The following SPAG16 variants were observed in gnomAD, a reference collection of about 807,000 sequenced individuals.
The protein encoded by SPAG16 is sperm-associated antigen 16 protein.
A neutral mutation model predicts 80.4 loss-of-function variants in SPAG16; 86 were observed. That is an observed-to-expected ratio of 1.07 (90% CI 0.90 to 1.28). The LOEUF (loss-of-function observed/expected upper bound fraction) is 1.28, where lower values mean the gene tolerates loss of function less well. Ranked by LOEUF, SPAG16 falls within the 50% of genes most tolerant of loss-of-function variation. The pLI is 0.00. For synonymous variants in SPAG16, 294 were observed against 265.9 expected, an observed-to-expected ratio of 1.11 and a Z score of -1.03; for missense variants, 870 against 765.3, an observed-to-expected ratio of 1.14 and a Z score of -1.61.
chr2:213,520,181 C>A (rs2075605468), intron 10 of SPAG16, among the ~76,000 whole-genome samples: 1 of 152,032 alleles, frequency 6.6e-6, no homozygotes, highest in Non-Finnish European at 1.5e-5. Context: ...GGACTATTGG[C>A]AACCACCAGA....
At chr2:213,667,847 T>C (rs1279585172) in intron 10 of SPAG16, among the ~76,000 whole-genome samples, 1 of 152,222 alleles carries the variant, frequency 6.6e-6, no homozygotes, top group Non-Finnish European at 1.5e-5. Flanking sequence ...TCTTTAGTTT[T>C]TTCCAGAGGG....
chr2:214,113,730 T>C (rs2053791659), intron 14 of SPAG16, among the ~76,000 whole-genome samples: 1 of 152,226 alleles, frequency 6.6e-6, no homozygotes, highest in African/African-American at 2.4e-5. Context: ...ATCTAATCTT[T>C]TTTCAAGGTT....
chr2:213,598,308 G>C (rs906993477), intron 10 of SPAG16, among the ~76,000 whole-genome samples: 3 of 152,032 alleles, frequency 2.0e-5, no homozygotes, highest in Non-Finnish European at 2.9e-5. Flanking sequence ...GGCCTCTATA[G>C]GTTCCATCAT....
chr2:213,944,787 A>G (rs903937003), intron 12 of SPAG16, among the ~76,000 whole-genome samples: 11 of 152,186 alleles, frequency 7.2e-5, no homozygotes, highest in Admixed American at 2.0e-4. Flanking sequence ...TTGGGAGGCA[A>G]TTTGGTCATG....
At chr2:214,121,297 T>C (rs1479887002) in intron 14 of SPAG16, among the ~76,000 whole-genome samples, 1 of 151,880 alleles carries the variant, frequency 6.6e-6, no homozygotes, top group Non-Finnish European at 1.5e-5. Context: ...CTTATTTATT[T>C]CAACTTGATT....
rs191435571 is a variant in SPAG16, at chr2:213,316,248, G to A, written c.399-971G>A. ...TATCTGTTGCTCAGCCAAAAACCCT[G>A]GAGTCGCACTTGCCTTCTCTCATTT... On this transcript the variant is annotated intron_variant, in intron 4 of 15. Transcript: ENST00000331683. Among the ~76,000 whole-genome samples, 5 of 152,054 alleles carry A rather than the reference G, an allele frequency of 3.3e-5. No individual in the cohort carries two copies. In the East Asian group the frequency reaches 9.7e-4, roughly 29 times the overall value.
intron 10 of SPAG16, among the ~76,000 whole-genome samples, chr2:213,804,412 T>C (rs1334789255): frequency 6.6e-6 from 1 of 152,144 alleles, no homozygotes; most frequent in Non-Finnish European, 1.5e-5. Context: ...GGCCGGGCAC[T>C]GTGGCTGGCG....
rs75910799 is a variant in SPAG16, at chr2:214,280,246, A to G, written c.1721-129894A>G. On this transcript the variant is annotated intron_variant, in intron 15 of 15. Transcript: ENST00000331683. ...AAAAATAAAGAAGACATAGAGAGCT[A>G]TACTTGTTCATCAACAGAAGACTCA... is the stretch of plus-strand genomic sequence containing the variant. Among the ~76,000 whole-genome samples, 1,326 of 152,342 alleles carry G rather than the reference A, an allele frequency of 8.7e-3. 16 individuals carry two copies. Among genetic ancestry groups the G allele is most frequent in the Non-Finnish European group, 0.012 (837 of 68,022 alleles).
intron 13 of SPAG16, among the ~76,000 whole-genome samples, chr2:214,019,858 C>T (rs1229056087): frequency 6.6e-6 from 1 of 152,098 alleles, no homozygotes; most frequent in Non-Finnish European, 1.5e-5. Flanking sequence ...GTGACAGAAT[C>T]CCTGCCCTCA....
chr2:213,757,639 G>T (rs375172002), intron 10 of SPAG16, among the ~76,000 whole-genome samples: 2 of 152,164 alleles, frequency 1.3e-5, no homozygotes, highest in African/African-American at 4.8e-5. Context: ...AAGCTTGCAT[G>T]GCGAATTATG....
In SPAG16 at chr2:213,409,202, A is replaced by C. The variant is rs192093751; in HGVS notation, c.942+34083A>C. Among the ~76,000 whole-genome samples, 449 of 152,238 alleles carry C rather than the reference A, an allele frequency of 2.9e-3. 3 individuals are homozygous for C. Among genetic ancestry groups the C allele is most frequent in the Non-Finnish European group, 5.0e-3 (337 of 68,008 alleles). On this transcript the variant is annotated intron_variant, in intron 9 of 15. Coordinates refer to ENST00000331683, the MANE Select transcript of SPAG16 (RefSeq NM_024532.5). ...TATCTCTGAAAGTTGTGGGAAAAAA[A>C]GGTTATAAAAGGGAATTTATGCAAG...
At chr2:214,251,855 G>A (rs1356526618) in intron 15 of SPAG16, among the ~76,000 whole-genome samples, 1 of 152,078 alleles carries the variant, frequency 6.6e-6, no homozygotes, top group African/African-American at 2.4e-5. Flanking sequence ...TAGCCAAGGG[G>A]ATGTTTATTT....
chr2:213,968,236 G>A (rs1559640117), intron 12 of SPAG16, among the ~76,000 whole-genome samples: 1 of 151,208 alleles, frequency 6.6e-6, no homozygotes, highest in Non-Finnish European at 1.5e-5. Context: ...GTGTAACGGC[G>A]AGATCTCATC....
At chr2:214,386,815 G>GAT (rs1290226645) in intron 15 of SPAG16, among the ~76,000 whole-genome samples, 21 of 149,298 alleles carry the variant, frequency 1.4e-4, no homozygotes, top group African/African-American at 5.2e-4. Context: ...AGTGAGCCAA[G>GAT]ATTGTGCCAT....
intron 10 of SPAG16, among the ~76,000 whole-genome samples, chr2:213,552,467 T>C (rs2076807809): frequency 6.6e-6 from 1 of 152,224 alleles, no homozygotes; most frequent in Non-Finnish European, 1.5e-5. Flanking sequence ...TTCTTTATTT[T>C]CTCAACTCTA....
intron 9 of SPAG16, among the ~76,000 whole-genome samples, chr2:213,411,284 A>G (rs557525129): frequency 6.6e-6 from 1 of 152,368 alleles, no homozygotes; most frequent in South Asian, 2.1e-4. Flanking sequence ...CACAGGGAAT[A>G]TCAGATCAGT....
chr2:213,712,649 T>C (rs560095524), intron 10 of SPAG16, among the ~76,000 whole-genome samples: 1 of 152,304 alleles, frequency 6.6e-6, no homozygotes, highest in East Asian at 1.9e-4. Context: ...CTTCTTTCTC[T>C]CTAGGGAAGA....
intron 9 of SPAG16, among the ~76,000 whole-genome samples, chr2:213,436,919 T>C (rs1422540272): frequency 6.6e-6 from 1 of 152,210 alleles, no homozygotes; most frequent in African/African-American, 2.4e-5. Flanking sequence ...AACTCTTTTT[T>C]TTTTTTCTTT....
chr2:214,348,746 T>C (rs1698215690), intron 15 of SPAG16, among the ~76,000 whole-genome samples: 2 of 152,150 alleles, frequency 1.3e-5, no homozygotes, highest in Admixed American at 1.3e-4. Context: ...CAGATGACTC[T>C]GTTGGTGCCA....
Sources: allele counts gnomAD v4.1 joint callset (sites outside exome capture counted in the v4.1 genomes callset), GRCh38; gene constraint gnomAD v4.1.1; transcripts MANE v1.5; gene names NCBI Gene and HGNC (gene_info 2026-07-23, HGNC 2026-07-21).